Variants in NPLOC4 observed in about 807,000 individuals in gnomAD.
NPLOC4 encodes the protein NPL4 homolog, ubiquitin recognition factor, also known as nuclear protein localization protein 4 homolog.
Under a neutral mutation model 80.6 loss-of-function variants are expected in NPLOC4, and 18 were observed. The ratio of observed to expected loss-of-function variants is 0.22; its 90% CI spans 0.15 to 0.33. The LOEUF (loss-of-function observed/expected upper bound fraction) is 0.33, where lower values mean the gene tolerates loss of function less well. Ranked by LOEUF, NPLOC4 falls within the 10% of genes least tolerant of loss-of-function variation. The pLI, the probability that NPLOC4 is intolerant of heterozygous loss-of-function variation, is 1.00. For missense variants in NPLOC4, 540 were observed against 786.1 expected, an observed-to-expected ratio of 0.69 and a Z score of 3.74; for synonymous variants, 313 against 301.5, an observed-to-expected ratio of 1.04 and a Z score of -0.39.
intron 1 of NPLOC4, among the ~76,000 whole-genome samples, chr17:81,631,436 A>ATATATATTT (rs1330720098): frequency 1.7e-5 from 2 of 117,068 alleles, no homozygotes; most frequent in African/African-American, 3.1e-5. Flanking sequence ...ATATATATAT[A>ATATATATTT]TTTTTTTTTT....
intron 16 of NPLOC4, chr17:81,564,788 CA>C (rs796741069): frequency 0.29 from 29,583 of 100,544 alleles, 3,427 homozygotes; most frequent in African/African-American, 0.4. Context: ...AACTCCGTCT[CA>C]AAAAAAAAAA....
chr17:81,588,913 T>C, intron 12 of NPLOC4, 31 bp downstream of exon 12: 1 of 1,597,400 alleles, frequency 6.3e-7, no homozygotes, highest in Non-Finnish European at 8.6e-7. Context: ...ATTCTCCATG[T>C]ACAGAGTTCT....
chr17:81,636,841 TCC>T, intron 1 of NPLOC4, 73 bp downstream of exon 1: 1 of 1,312,900 alleles, frequency 7.6e-7, no homozygotes, highest in Non-Finnish European at 9.7e-7. Context: ...CAGGCCCGCC[TCC>T]CCCACAGGCC....
chr17:81,584,829 C>T (rs1261300776), intron 12 of NPLOC4, among the ~76,000 whole-genome samples: 1 of 152,056 alleles, frequency 6.6e-6, no homozygotes, highest in Non-Finnish European at 1.5e-5. Context: ...ATAGGTAAGA[C>T]CTCCACAGAG....
At chr17:81,607,205 A>G (rs2035224289) in intron 6 of NPLOC4, among the ~76,000 whole-genome samples, 1 of 152,234 alleles carries the variant, frequency 6.6e-6, no homozygotes, top group Admixed American at 6.5e-5. Flanking sequence ...CTTTGACATT[A>G]GCCCAGTACT....
At chr17:81,565,423 A>G (rs1283064195) in intron 16 of NPLOC4, 82 bp downstream of exon 16, 2 of 1,198,976 alleles carry the variant, frequency 1.7e-6, no homozygotes, top group Non-Finnish European at 2.4e-6. Flanking sequence ...CCAGGGCACC[A>G]CCGGCAGTGG....
chr17:81,591,897 C>CGTAAATG (rs1202988148), intron 11 of NPLOC4, among the ~76,000 whole-genome samples: 32 of 152,274 alleles, frequency 2.1e-4, no homozygotes, highest in African/African-American at 7.7e-4. Flanking sequence ...TTTAACAGCC[C>CGTAAATG]GTAAATGTAG....
chr17:81,622,660 C>G (rs1473098515), intron 2 of NPLOC4, among the ~76,000 whole-genome samples: 4 of 152,148 alleles, frequency 2.6e-5, no homozygotes, highest in African/African-American at 9.6e-5. Flanking sequence ...CAGTGATTCT[C>G]CTGCCTCAGC....
At chr17:81,620,070 G>C (rs2035623611) in intron 3 of NPLOC4, among the ~76,000 whole-genome samples, 1 of 152,198 alleles carries the variant, frequency 6.6e-6, no homozygotes, top group African/African-American at 2.4e-5. Flanking sequence ...AATGGACCAA[G>C]TTCCTCAACA....
intron 12 of NPLOC4, 106 bp downstream of exon 12, chr17:81,588,838 G>A: frequency 1.0e-6 from 1 of 958,720 alleles, no homozygotes; most frequent in Non-Finnish European, 1.6e-6. Flanking sequence ...TTCAACCACA[G>A]CTGACAAACG....
chr17:81,621,226 A>G (rs1297865431), intron 3 of NPLOC4, among the ~76,000 whole-genome samples: 1 of 152,210 alleles, frequency 6.6e-6, no homozygotes, highest in Non-Finnish European at 1.5e-5. Context: ...CATCAACAAC[A>G]AGAGGTTTCG....
Position 81,567,389 on chromosome 17 carries a change from C to T in NPLOC4, c.1566+28G>A, listed in dbSNP as rs1302665782. 1 of 1,422,420 alleles carries T rather than the reference C, an allele frequency of 7.0e-7. No individual in the cohort carries two copies. The highest frequency in any genetic ancestry group is 1.4e-5 in the African/African-American group (1 of 71,006). 88.1% of individuals were successfully genotyped at this position (1,422,420 alleles called of 1,614,324 possible). A position where few individuals can be genotyped will look rare whatever the true frequency, so the allele number is the denominator to read the frequency against. On this transcript the variant is annotated intron_variant, in intron 15 of 16. Transcript: ENST00000331134. This position sits in a 1 kb window ranked among gnomAD's most constrained non-coding sequence, Gnocchi z 4.5. Reference sequence around the variant, plus strand: ...TCTTTGCAGCCAAAGCCCACTTGCTCAAGTGGACACCACACTTGGACACGC... The same window carrying T: ...TCTTTGCAGCCAAAGCCCACTTGCTTAAGTGGACACCACACTTGGACACGC...
At chr17:81,584,605 G>GA (rs1348583546) in intron 12 of NPLOC4, among the ~76,000 whole-genome samples, 1 of 152,200 alleles carries the variant, frequency 6.6e-6, no homozygotes, top group Non-Finnish European at 1.5e-5. Context: ...AAAGCCCAGA[G>GA]AATGAGAAGG....
chr17:81,612,294 GA>G (rs1484252114), intron 4 of NPLOC4, among the ~76,000 whole-genome samples: 1 of 152,180 alleles, frequency 6.6e-6, no homozygotes, highest in Non-Finnish European at 1.5e-5. Context: ...CTGCGGAACA[GA>G]GGTGGCCTCT....
rs34070114 is a variant in NPLOC4 at position 81,589,061 on chromosome 17, G to A, written c.1164C>T (p.Ser388=). The A allele has an allele frequency of 3.4e-4, 554 of 1,613,898 alleles. 3 individuals are homozygous for A. In the African/African-American group the frequency reaches 6.9e-3, roughly 20 times the overall value. ...NQVHFEGYQV[S]NQCMALVRDE... ...CACGGACCAGTGCCATACACTGATT[G>A]GACACCTGGTACCCTTCAAAGTGGA... The change falls in exon 12 of 17, where the codon TCC becomes TCT. Residue 388 remains serine, a synonymous_variant. Transcript: ENST00000331134.
chr17:81,623,464 CAAAAAAA>C (rs60092546), intron 2 of NPLOC4, among the ~76,000 whole-genome samples: 12,595 of 82,624 alleles, frequency 0.15, 735 homozygotes, highest in Middle Eastern at 0.37. Flanking sequence ...GACTTTGTTT[CAAAAAAA>C]AAAAAAAAAA....
At chr17:81,635,800 T>TC (rs1186519127) in intron 1 of NPLOC4, among the ~76,000 whole-genome samples, 2 of 152,104 alleles carry the variant, frequency 1.3e-5, no homozygotes, top group African/African-American at 2.4e-5. Flanking sequence ...CTGCTAAGCT[T>TC]CCCCCAGAAA....
At chr17:81,594,300 A>C (rs943602390) in intron 11 of NPLOC4, among the ~76,000 whole-genome samples, 4 of 148,356 alleles carry the variant, frequency 2.7e-5, no homozygotes, top group Admixed American at 2.0e-4. Context: ...AAAAAAAAAA[A>C]AAAACTGACT....
chr17:81,636,651 C>A (rs2036083927), intron 1 of NPLOC4, among the ~76,000 whole-genome samples: 5 of 152,166 alleles, frequency 3.3e-5, no homozygotes, highest in Admixed American at 3.3e-4. Context: ...ACAGTCCATT[C>A]TCCCTGCTTA....
Sources: gnomAD v4.1 joint callset for allele counts (sites outside exome capture counted in the v4.1 genomes callset) on GRCh38, gnomAD v4.1.1 for gene constraint, Gnocchi (gnomAD v3.1) non-coding constraint, MANE v1.5 for transcripts, NCBI Gene and HGNC (gene_info 2026-07-23, HGNC 2026-07-21) for gene names.